The following VARS1 variants were observed in gnomAD, a reference collection of about 807,000 sequenced individuals.
The protein encoded by VARS1 is valyl-tRNA synthetase 1.
Under a neutral mutation model 161.0 loss-of-function variants are expected in VARS1, and 92 were observed. The observed-to-expected ratio is 0.57, with a 90% CI of 0.48 to 0.68. VARS1 has a LOEUF of 0.68. VARS1 is among the 30% of genes least tolerant of loss of function. The probability of loss-of-function intolerance (pLI) is 0.00; values close to 1 mark genes in which losing one functional copy is unlikely to be tolerated. For synonymous variants in VARS1, 595 were observed against 682.5 expected, an observed-to-expected ratio of 0.87 and a Z score of 2.00; for missense variants, 1,338 against 1,695.9, an observed-to-expected ratio of 0.79 and a Z score of 3.71.
Position 31,781,805 on chromosome 6 carries a change from G to A in VARS1, c.2347+42C>T, listed in dbSNP as rs1813166654. The A allele has an allele frequency of 2.5e-6, 4 of 1,612,798 alleles. No individual in the cohort carries two copies. The highest frequency in any genetic ancestry group is 4.5e-5 in the East Asian group (2 of 44,892). ...CAGAGGTCAGAGGGAGTGGAGCTCT[G>A]CCCCCCACAACTCCCTCCAGACCCT... is the stretch of plus-strand genomic sequence containing the variant. On this transcript the variant is annotated intron_variant, in intron 19 of 29. Coordinates refer to ENST00000375663, the MANE Select transcript of VARS1 (RefSeq NM_006295.3). The surrounding 1 kb of genome is among the most constrained non-coding windows in gnomAD (Gnocchi z 6.8).
In VARS1 at chr6:31,781,090, C is replaced by T. The variant is rs763284804; in HGVS notation, c.2578G>A (p.Gly860Ser). Residue 860 changes from glycine to serine, a missense_variant, in exon 22 of 30, where the codon GGC (glycine) becomes AGC (serine). Gly to Ser is a moderately conservative substitution (Grantham distance 56). This residue lies in a region of VARS1 where 433 missense variants were observed against 586.2 expected (regional missense o/e 0.74). Transcript: ENST00000375663. The surrounding 1 kb of genome is among the most constrained non-coding windows in gnomAD (Gnocchi z 6.8). ...CCTAGAGACTTGCTCATCTTCCGGC[C>T]GTGAGCATCTCGCACGATGGCATGG... ...YLHAIVRDAH[G>S]RKMSKSLGNV... The T allele has an allele frequency of 1.6e-5, 26 of 1,613,314 alleles. No homozygotes were observed. Among genetic ancestry groups the T allele is most frequent in the South Asian group, 2.2e-5 (2 of 91,088 alleles).
chr6:31,791,162 AT>A lies in VARS1; in HGVS notation c.1100+447del, dbSNP rs1460411192. ...CAAGACTCTGTCCCCCCAAAAAAAA[AT>A]ATATATATTCATATGTTCCTAATTA... On this transcript the variant is annotated intron_variant, in intron 8 of 29. Transcript: ENST00000375663. The surrounding 1 kb of genome is among the most constrained non-coding windows in gnomAD (Gnocchi z 5.0). Among the ~76,000 whole-genome samples the A allele has an allele frequency of 5.3e-5, 8 of 151,928 alleles. No homozygotes were observed. The highest frequency in any genetic ancestry group is 3.9e-4 in the East Asian group (2 of 5,188).
In VARS1 at chr6:31,793,139, A is replaced by T; in HGVS notation, c.388-19T>A. On this transcript the variant is annotated intron_variant, in intron 2 of 29. Coordinates refer to ENST00000375663, the MANE Select transcript of VARS1 (RefSeq NM_006295.3). Reference sequence around the variant, plus strand: ...GCACAGCCTGGCAGGAAGGGGAAGAAGTGTGAGACAAGGTTTGGCCCACCT... The same window carrying T: ...GCACAGCCTGGCAGGAAGGGGAAGATGTGTGAGACAAGGTTTGGCCCACCT... The T allele has an allele frequency of 1.9e-6, 3 of 1,576,588 alleles. No homozygotes were observed. Among genetic ancestry groups the T allele is most frequent in the Non-Finnish European group, 2.6e-6 (3 of 1,169,434 alleles).
At position 31,784,080 on chromosome 6, in the gene VARS1, G is replaced by T; in HGVS notation, c.1671+134C>A. The T allele has an allele frequency of 1.0e-6, 1 of 970,654 alleles. No individual in the cohort carries two copies. The highest frequency in any genetic ancestry group is 1.6e-6 in the Non-Finnish European group (1 of 632,528). The allele number at this position is 970,654 out of a possible 1,614,324, so 60.1% of individuals were successfully genotyped here. The stretch of plus-strand genomic sequence containing the variant: ...CCAATAGCTCTACCCTCAGAGCTGG[G>T]AAAGAAGCTGAAGACCAGTTTCTAA... On this transcript the variant is annotated intron_variant, in intron 13 of 29. Coordinates refer to ENST00000375663, the MANE Select transcript of VARS1 (RefSeq NM_006295.3). The surrounding 1 kb of genome is among the most constrained non-coding windows in gnomAD (Gnocchi z 6.1).
chr6:31,778,065 C>T lies in VARS1; in HGVS notation c.3727-403G>A, dbSNP rs34585796. On this transcript the variant is annotated intron_variant, in intron 29 of 29. Coordinates refer to ENST00000375663, the MANE Select transcript of VARS1 (RefSeq NM_006295.3). The surrounding 1 kb of genome is among the most constrained non-coding windows in gnomAD (Gnocchi z 5.1). ...ACCACGTCCACTCAAGGCTCTCTAG[C>T]TCTTGGCCTCCATGACTGGTTTTCT... 0.023 allele frequency: 5,321 copies of T among 234,848 alleles called. 159 individuals carry two copies. The highest frequency in any genetic ancestry group is 0.12 in the South Asian group (1,583 of 13,496). 14.5% of individuals were successfully genotyped at this position (234,848 alleles called of 1,614,324 possible).
In VARS1 at chr6:31,779,792, T is replaced by C. The variant is rs1265700463; in HGVS notation, c.3104A>G (p.Asn1035Ser). 1.9e-6 allele frequency: 3 copies of C among 1,612,938 alleles called. No individual in the cohort carries two copies. The South Asian group carries it at 3.3e-5, about 18-fold the overall frequency. The change falls in exon 27 of 30, where the codon AAT (asparagine) becomes AGT (serine). Residue 1035 changes from asparagine (N) to serine (S), a missense_variant. Transcript: ENST00000375663. This position sits in a 1 kb window ranked among gnomAD's most constrained non-coding sequence, Gnocchi z 9.1. ...CTCAGCTGCCACCTGGTCCACCCCA[T>C]TCAGTACAGGTTTCAGGCACTCCTA... is the stretch of plus-strand genomic sequence containing the variant. The part of the protein sequence containing the change: ...VYLECLKPVL[N>S]GVDQVAAECA...
chr6:31,792,546 G>A, intron 4 of VARS1, 30 bp from the exon 5 acceptor site: 1 of 1,613,654 alleles, frequency 6.2e-7, no homozygotes. Context: ...TTCAGACTCA[G>A]CCAGCTGGGG....
At chr6:31,788,790 CAGAG>C (rs1160047156) in intron 8 of VARS1, among the ~76,000 whole-genome samples, 4 of 151,932 alleles carry the variant, frequency 2.6e-5, no homozygotes, top group African/African-American at 9.7e-5. Flanking sequence ...GCCTGGGCGA[CAGAG>C]AGAGACTCTG....
In VARS1 at chr6:31,791,073, CCCAGGAGGCAG is replaced by C. The variant is rs1380494773; in HGVS notation, c.1100+526_1100+536del. Among the ~76,000 whole-genome samples, 2 of 152,128 alleles carry C rather than the reference CCCAGGAGGCAG, an allele frequency of 1.3e-5. No individual in the cohort carries two copies. The highest frequency in any genetic ancestry group is 4.8e-5 in the African/African-American group (2 of 41,432). ...GGCTGAGGCAGGAGAATCACTTGAACCCAGGAGGCAGCGGTTGCCATGAGCCGAGATGGCGT... is the reference window on the plus strand; with the variant it reads ...GGCTGAGGCAGGAGAATCACTTGAACCGGTTGCCATGAGCCGAGATGGCGT... On this transcript the variant is annotated intron_variant, in intron 8 of 29. Transcript: ENST00000375663. This position sits in a 1 kb window ranked among gnomAD's most constrained non-coding sequence, Gnocchi z 5.0.
In VARS1 at chr6:31,791,586, AG is replaced by A. The variant is rs1813870460; in HGVS notation, c.1100+23del. On this transcript the variant is annotated intron_variant, in intron 8 of 29. Transcript: ENST00000375663. This position sits in a 1 kb window ranked among gnomAD's most constrained non-coding sequence, Gnocchi z 5.0. ...AGCCAGACTAGGCAGAGGGAACCAGAGGAAGGTGCAGATAGAAGCTCACCAT... is the reference window on the plus strand; with the variant it reads ...AGCCAGACTAGGCAGAGGGAACCAGAGAAGGTGCAGATAGAAGCTCACCAT... 6.3e-7 allele frequency: 1 copy of A among 1,594,446 alleles called. No homozygotes were observed. Among genetic ancestry groups the A allele is most frequent in the African/African-American group, 1.3e-5 (1 of 74,706 alleles).
Position 31,795,543 on chromosome 6 carries a change from T to G in VARS1, c.-34+3A>C. On this transcript the variant is annotated splice_donor_region_variant and intron_variant, in intron 1 of 29. Transcript: ENST00000375663. The surrounding 1 kb of genome is among the most constrained non-coding windows in gnomAD (Gnocchi z 6.9). ...GATGCGGGTTCGAGCCGCGTGTACGTACTGGAGGGAGATGGTCAGACTGGG... is the reference window on the plus strand; with the variant it reads ...GATGCGGGTTCGAGCCGCGTGTACGGACTGGAGGGAGATGGTCAGACTGGG... The G allele has an allele frequency of 8.0e-6, 2 of 251,524 alleles. No individual in the cohort carries two copies. Among genetic ancestry groups the G allele is most frequent in the Non-Finnish European group, 7.6e-6 (1 of 132,444 alleles). The allele number at this position is 251,524 out of a possible 1,614,324, so 15.6% of individuals were successfully genotyped here. A position where few individuals can be genotyped will look rare whatever the true frequency, so the allele number is the denominator to read the frequency against.
Position 31,785,818 on chromosome 6 carries a change from C to T in VARS1, c.1101-85G>A. On this transcript the variant is annotated intron_variant, in intron 8 of 29. Transcript: ENST00000375663. The surrounding 1 kb of genome is among the most constrained non-coding windows in gnomAD (Gnocchi z 6.1). ...AAAGCAGAGGCTTCAGGCAAGGAGT[C>T]AGTGGACTAAATAAAGAAGCAGGGA... is the stretch of plus-strand genomic sequence containing the variant. The T allele has an allele frequency of 6.7e-7, 1 of 1,490,592 alleles. No homozygotes were observed. The highest frequency in any genetic ancestry group is 8.9e-7 in the Non-Finnish European group (1 of 1,123,566). The allele number at this position is 1,490,592 out of a possible 1,614,324, so 92.3% of individuals were successfully genotyped here. A position where few individuals can be genotyped will look rare whatever the true frequency, so the allele number is the denominator to read the frequency against.
Position 31,781,027 on chromosome 6 carries a change from A to G in VARS1, c.2641T>C (p.Ser881Pro). Reference protein sequence around the residue: ...IDPLDVIYGISLQGLHNQLLN... With the variant: ...IDPLDVIYGIPLQGLHNQLLN... ...CCCAGCACCCAGCCCACCTGCAGGG[A>G]GATTCCATAGATGACGTCCAGGGGA... The change falls in exon 22 of 30, where the codon TCC (serine) becomes CCC (proline). Residue 881 changes from serine (S) to proline (P), a missense_variant. Coordinates refer to ENST00000375663, the MANE Select transcript of VARS1 (RefSeq NM_006295.3). The surrounding 1 kb of genome is among the most constrained non-coding windows in gnomAD (Gnocchi z 6.8). 1 of 1,614,082 alleles carries G rather than the reference A, an allele frequency of 6.2e-7. No homozygotes were observed. The highest frequency in any genetic ancestry group is 1.1e-5 in the South Asian group (1 of 91,084).
chr6:31,790,068 A>T lies in VARS1; in HGVS notation c.1100+1542T>A, dbSNP rs973034017. Among the ~76,000 whole-genome samples the T allele has an allele frequency of 4.0e-5, 6 of 151,600 alleles. 1 individual carries two copies. In the East Asian group the frequency reaches 5.8e-4, roughly 15 times the overall value. On this transcript the variant is annotated intron_variant, in intron 8 of 29. Transcript: ENST00000375663. ...ATAAATAAATAATAAAAATAAATTT[A>T]AAAAAATACACTAACACTAACGATA... is the stretch of plus-strand genomic sequence containing the variant.
chr6:31,781,241 C>A lies in VARS1; in HGVS notation c.2545-118G>T. On this transcript the variant is annotated intron_variant, in intron 21 of 29. Coordinates refer to ENST00000375663, the MANE Select transcript of VARS1 (RefSeq NM_006295.3). The surrounding 1 kb of genome is among the most constrained non-coding windows in gnomAD (Gnocchi z 6.8). The stretch of plus-strand genomic sequence containing the variant: ...TGAACCTCAGGTCCCACTGAGTGTC[C>A]CCAAGAGCTCGTTGAGCGCCTTTAT... 7.8e-7 allele frequency: 1 copy of A among 1,283,176 alleles called. No individual in the cohort carries two copies. The highest frequency in any genetic ancestry group is 1.1e-6 in the Non-Finnish European group (1 of 914,162). 79.5% of individuals were successfully genotyped at this position (1,283,176 alleles called of 1,614,324 possible).
At position 31,794,961 on chromosome 6, in the gene VARS1, C is replaced by T. The variant is rs1814163088; in HGVS notation, c.257G>A (p.Gly86Asp). 2.5e-6 allele frequency: 4 copies of T among 1,612,118 alleles called. No homozygotes were observed. The highest frequency in any genetic ancestry group is 3.4e-6 in the Non-Finnish European group (4 of 1,179,676). ...AQLLWPAGLG[G>D]PGGSRAAVLV... Reference sequence around the variant, plus strand: ...GACAGCCGCCCGGCTGCCCCCTGGGCCCCCCAGGCCTGCTGGCCACAGCAG... The same window carrying T: ...GACAGCCGCCCGGCTGCCCCCTGGGTCCCCCAGGCCTGCTGGCCACAGCAG... Residue 86 changes from glycine to aspartate, a missense_variant, in exon 2 of 30, where the codon GGC becomes GAC. Physicochemically the swap from Gly to Asp is moderately conservative, Grantham distance 94 (BLOSUM62 -1). Coordinates refer to ENST00000375663, the MANE Select transcript of VARS1 (RefSeq NM_006295.3).
Position 31,795,241 on chromosome 6 carries a change from G to C in VARS1, c.-24C>G, listed in dbSNP as rs1814200130. The stretch of plus-strand genomic sequence containing the variant: ...ATAGTTATGAGAAGGTCCGAACGAA[G>C]TGGAAAAACCTAAGGAGAAAGAGAG... On this transcript the variant is annotated 5_prime_UTR_variant, in exon 2 of 30. Transcript: ENST00000375663. The surrounding 1 kb of genome is among the most constrained non-coding windows in gnomAD (Gnocchi z 6.9). 1 of 1,401,684 alleles carries C rather than the reference G, an allele frequency of 7.1e-7. No homozygotes were observed. The allele number at this position is 1,401,684 out of a possible 1,614,324, so 86.8% of individuals were successfully genotyped here. A position where few individuals can be genotyped will look rare whatever the true frequency, so the allele number is the denominator to read the frequency against.
chr6:31,787,471 TC>T (rs1034639856), intron 8 of VARS1, among the ~76,000 whole-genome samples: 11 of 151,156 alleles, frequency 7.3e-5, no homozygotes, highest in African/African-American at 2.7e-4. Context: ...ATGGCAAAAC[TC>T]TGTCTACTAA....
chr6:31,794,042 C>T (rs1209908270), intron 2 of VARS1, among the ~76,000 whole-genome samples: 1 of 144,754 alleles, frequency 6.9e-6, no homozygotes, highest in Non-Finnish European at 1.5e-5. Context: ...GCTGAGATCG[C>T]ACCATCGCAC....
Sources: gnomAD v4.1 joint callset for allele counts (sites outside exome capture counted in the v4.1 genomes callset) on GRCh38, gnomAD v4.1.1 for gene constraint, gnomAD v4.1.1 regional missense constraint, Gnocchi (gnomAD v3.1) non-coding constraint, MANE v1.5 for transcripts, NCBI Gene and HGNC (gene_info 2026-07-23, HGNC 2026-07-21) for gene names.